The following CSMD1 variants were observed in gnomAD, a reference collection of about 807,000 sequenced individuals.
CSMD1 encodes CUB and Sushi multiple domains 1, also known as CUB and sushi domain-containing protein 1.
In CSMD1, 213 loss-of-function variants were observed where a neutral mutation model predicts 417.5. That is an observed-to-expected ratio of 0.51 (90% CI 0.46 to 0.57). CSMD1 has a LOEUF of 0.57. Ranked by LOEUF, CSMD1 falls within the 20% of genes least tolerant of loss-of-function variation. CSMD1 has a pLI of 0.00. For synonymous variants in CSMD1, 2,862 were observed against 1,736.8 expected, an observed-to-expected ratio of 1.65 and a Z score of -16.11; for missense variants, 6,923 against 4,529.7, an observed-to-expected ratio of 1.53 and a Z score of -15.17.
chr8:4,821,877 T>A (rs989082329), intron 1 of CSMD1, among the ~76,000 whole-genome samples: 1 of 152,164 alleles, frequency 6.6e-6, no homozygotes, highest in African/African-American at 2.4e-5. Context: ...ACGCTTCTGC[T>A]CTAGCCCAGC....
At chr8:3,055,569 T>C (rs574890652) in intron 49 of CSMD1, among the ~76,000 whole-genome samples, 3 of 152,338 alleles carry the variant, frequency 2.0e-5, no homozygotes, top group East Asian at 1.9e-4. Flanking sequence ...ATGATTGCTA[T>C]AGGATAGGCA....
intron 3 of CSMD1, among the ~76,000 whole-genome samples, chr8:4,084,777 A>G (rs1259464908): frequency 7.3e-6 from 1 of 136,372 alleles, no homozygotes; most frequent in Non-Finnish European, 1.5e-5. Flanking sequence ...GCTTTTATGT[A>G]GCATTTCCAT....
intron 26 of CSMD1, among the ~76,000 whole-genome samples, chr8:3,248,278 G>A (rs17319624): frequency 0.18 from 27,335 of 151,750 alleles, 2,677 homozygotes; most frequent in Admixed American, 0.22. Flanking sequence ...GACACGTTCA[G>A]CCTTATCCAG....
chr8:4,649,444 G>C lies in CSMD1; in HGVS notation c.86-11886C>G, dbSNP rs180822432. Among the ~76,000 whole-genome samples, 286 of 152,294 alleles carry C rather than the reference G, an allele frequency of 1.9e-3. 1 individual carries two copies. Among genetic ancestry groups the C allele is most frequent in the African/African-American group, 6.6e-3 (275 of 41,570 alleles). ...ACTGATGAGAAAAACTAAAGAGCTT[G>C]AGTGATTTTTTCCAAAGCCACATAT... On this transcript the variant is annotated intron_variant, in intron 1 of 69. Coordinates refer to ENST00000635120, the MANE Select transcript of CSMD1 (RefSeq NM_033225.6).
intron 5 of CSMD1, among the ~76,000 whole-genome samples, chr8:3,995,089 A>C (rs1815099110): frequency 6.6e-6 from 1 of 152,150 alleles, no homozygotes; most frequent in Admixed American, 6.5e-5. Context: ...TGATTCATGA[A>C]ATATTTCAGA....
In CSMD1 at chr8:4,728,948, T is replaced by G. The variant is rs531000705; in HGVS notation, c.86-91390A>C. On this transcript the variant is annotated intron_variant, in intron 1 of 69. Transcript: ENST00000635120. The stretch of plus-strand genomic sequence containing the variant: ...GTTAAGGTAACCTGCCAGACGTCCA[T>G]GTGGAGATAGAGATGGACAGCTGCA... Among the ~76,000 whole-genome samples, 26 of 152,242 alleles carry G rather than the reference T, an allele frequency of 1.7e-4. 1 individual carries two copies. The highest frequency in any genetic ancestry group is 2.9e-5 in the Non-Finnish European group (2 of 68,018).
chr8:4,907,824 G>C (rs2028236), intron 1 of CSMD1, among the ~76,000 whole-genome samples: 38,641 of 151,262 alleles, frequency 0.26, 5,494 homozygotes, highest in East Asian at 0.52. Flanking sequence ...CCTCAGCCTC[G>C]CAAAGTGCTG....
intron 5 of CSMD1, among the ~76,000 whole-genome samples, chr8:3,957,292 C>G (rs1294468660): frequency 6.6e-6 from 1 of 152,134 alleles, no homozygotes; most frequent in Non-Finnish European, 1.5e-5. Context: ...CTTTTGTGCC[C>G]TCAGAAATAT....
intron 5 of CSMD1, among the ~76,000 whole-genome samples, chr8:3,784,973 T>G (rs2129064717): frequency 6.6e-6 from 1 of 152,334 alleles, no homozygotes; most frequent in Non-Finnish European, 1.5e-5. Flanking sequence ...TTTATCATTC[T>G]GGTAAAATGT....
At chr8:3,308,044 A>C (rs1805019820) in intron 24 of CSMD1, among the ~76,000 whole-genome samples, 1 of 150,894 alleles carries the variant, frequency 6.6e-6, no homozygotes, top group Non-Finnish European at 1.5e-5. Flanking sequence ...TAAAGCAATA[A>C]GACACTCATG....
intron 3 of CSMD1, among the ~76,000 whole-genome samples, chr8:4,072,945 A>C (rs1246155872): frequency 6.6e-6 from 1 of 152,300 alleles, no homozygotes; most frequent in African/African-American, 2.4e-5. Flanking sequence ...TTCTTTCAAA[A>C]GTTTTTAAAA....
chr8:3,969,239 G>C (rs1311073755), intron 5 of CSMD1, among the ~76,000 whole-genome samples: 1 of 152,144 alleles, frequency 6.6e-6, no homozygotes, highest in East Asian at 1.9e-4. Context: ...GACAGAGTGA[G>C]ACTCTGTCTC....
intron 35 of CSMD1, among the ~76,000 whole-genome samples, chr8:3,188,170 C>A (rs1322451743): frequency 6.8e-6 from 1 of 146,188 alleles, no homozygotes; most frequent in Non-Finnish European, 1.5e-5. Flanking sequence ...GCCTCCAATG[C>A]CATAATATTA....
intron 10 of CSMD1, among the ~76,000 whole-genome samples, chr8:3,562,504 C>G (rs1276919257): frequency 6.6e-5 from 10 of 151,296 alleles, no homozygotes; most frequent in East Asian, 2.0e-4. Context: ...AGATGAGTGC[C>G]ACAGCAATCC....
chr8:4,038,505 T>C (rs568884116), intron 3 of CSMD1, among the ~76,000 whole-genome samples: 1 of 152,194 alleles, frequency 6.6e-6, no homozygotes, highest in Non-Finnish European at 1.5e-5. Flanking sequence ...TTCAACCCAA[T>C]GTCATTTCTG....
At chr8:4,314,225 A>G (rs1440863460) in intron 3 of CSMD1, among the ~76,000 whole-genome samples, 1 of 152,018 alleles carries the variant, frequency 6.6e-6, no homozygotes, top group Non-Finnish European at 1.5e-5. Flanking sequence ...GTTAATAGTT[A>G]AGTCACAACA....
At position 4,437,171 on chromosome 8, in the gene CSMD1, C is replaced by G. The variant is rs543624873; in HGVS notation, c.303-17106G>C. Among the ~76,000 whole-genome samples the G allele has an allele frequency of 2.0e-5, 3 of 152,266 alleles. No individual in the cohort carries two copies. The South Asian group carries it at 6.2e-4, about 32-fold the overall frequency. ...AAATGGCAAATCCAATCCAACAAAA[C>G]AAAGCAAAACTTTGTTGTCTCAACA... On this transcript the variant is annotated intron_variant, in intron 2 of 69. Transcript: ENST00000635120.
chr8:4,149,916 G>C (rs546856499), intron 3 of CSMD1, among the ~76,000 whole-genome samples: 3 of 152,226 alleles, frequency 2.0e-5, no homozygotes, highest in East Asian at 1.9e-4. Flanking sequence ...CTACCTCTTG[G>C]TGTTTTGTTA....
intron 1 of CSMD1, among the ~76,000 whole-genome samples, chr8:4,898,950 G>A (rs1295242731): frequency 4.6e-5 from 7 of 151,726 alleles, no homozygotes; most frequent in Admixed American, 4.6e-4. Context: ...TGAGATTACA[G>A]TTATAAAATT....
Sources: gnomAD v4.1 joint callset for allele counts (sites outside exome capture counted in the v4.1 genomes callset) on GRCh38, gnomAD v4.1.1 for gene constraint, MANE v1.5 for transcripts, NCBI Gene and HGNC (gene_info 2026-07-23, HGNC 2026-07-21) for gene names.